MTUS2: variants seen among roughly 807,000 people sequenced by gnomAD.
MTUS2 encodes the protein microtubule associated scaffold protein 2.
MTUS2 carries 40 observed loss-of-function variants against 114.1 expected under a neutral mutation model. That is an observed-to-expected ratio of 0.35 (90% CI 0.27 to 0.46). The LOEUF (loss-of-function observed/expected upper bound fraction) is 0.46, where lower values mean the gene tolerates loss of function less well. Among genes scored for constraint, MTUS2 ranks in the 20% least tolerant of loss-of-function variants. The probability of loss-of-function intolerance (pLI) is 1.00; values close to 1 mark genes in which losing one functional copy is unlikely to be tolerated. For missense variants in MTUS2, 1,679 were observed against 1,705.4 expected, an observed-to-expected ratio of 0.98 and a Z score of 0.27; for synonymous variants, 688 against 672.0, an observed-to-expected ratio of 1.02 and a Z score of -0.37.
intron 5 of MTUS2, among the ~76,000 whole-genome samples, chr13:29,149,094 A>G (rs1892563232): frequency 6.6e-6 from 1 of 152,088 alleles, no homozygotes; most frequent in Non-Finnish European, 1.5e-5. Flanking sequence ...TCTAGGTCTT[A>G]ATCACCACAC....
At chr13:29,305,744 T>G (rs1417602618) in intron 6 of MTUS2, among the ~76,000 whole-genome samples, 2 of 152,152 alleles carry the variant, frequency 1.3e-5, no homozygotes, top group Non-Finnish European at 1.5e-5. Context: ...CTGAAACTAT[T>G]TCAAAAAATT....
At chr13:29,257,462 G>A (rs1210973441) in intron 5 of MTUS2, among the ~76,000 whole-genome samples, 1 of 152,206 alleles carries the variant, frequency 6.6e-6, no homozygotes, top group African/African-American at 2.4e-5. Flanking sequence ...GGCATGGAAT[G>A]CGAAAGGCAT....
chr13:28,999,528 G>A (rs903920125), intron 2 of MTUS2, among the ~76,000 whole-genome samples: 4 of 152,072 alleles, frequency 2.6e-5, no homozygotes, highest in African/African-American at 7.2e-5. Flanking sequence ...ATATTTATGG[G>A]GTACCATGTG....
chr13:29,487,909 C>T lies in MTUS2; in HGVS notation c.3409C>T (p.Leu1137Phe). ...RCQHQEQVED[L>F]TASHDAALLE... Reference sequence around the variant, plus strand: ...TGCGACTCTCCTCCAGGTGGAAGATCTCACCGCCAGCCATGATGCTGCTCT... The same window carrying T: ...TGCGACTCTCCTCCAGGTGGAAGATTTCACCGCCAGCCATGATGCTGCTCT... Residue 1137 changes from leucine (L) to phenylalanine (F), a missense_variant, in exon 11 of 16, where the codon CTC becomes TTC. This residue lies in a region of MTUS2 where 822 missense variants were observed against 899.7 expected (regional missense o/e 0.91). Transcript: ENST00000612955. 5.0e-6 allele frequency: 8 copies of T among 1,613,710 alleles called. No homozygotes were observed. The highest frequency in any genetic ancestry group is 6.8e-6 in the Non-Finnish European group (8 of 1,179,672).
At chr13:28,987,200 T>G (rs1319586892) in intron 2 of MTUS2, among the ~76,000 whole-genome samples, 1 of 152,140 alleles carries the variant, frequency 6.6e-6, no homozygotes, top group African/African-American at 2.4e-5. Flanking sequence ...GTAGTGAGCC[T>G]TGAGTGTGCA....
intron 4 of MTUS2, among the ~76,000 whole-genome samples, chr13:29,059,234 T>TA (rs1396428671): frequency 4.0e-5 from 6 of 149,796 alleles, no homozygotes; most frequent in Admixed American, 4.0e-4. Flanking sequence ...TTGGATTTTT[T>TA]TTTTTTTTTT....
chr13:28,875,763 A>G (rs1028061608), intron 2 of MTUS2, among the ~76,000 whole-genome samples: 1 of 152,222 alleles, frequency 6.6e-6, no homozygotes, highest in Non-Finnish European at 1.5e-5. Context: ...GTTTCTATTT[A>G]TTGATGTTAA....
chr13:28,902,479 T>C (rs1040339153), intron 2 of MTUS2, among the ~76,000 whole-genome samples: 2 of 152,266 alleles, frequency 1.3e-5, no homozygotes, highest in South Asian at 2.1e-4. Flanking sequence ...TAGGTACTCA[T>C]TCTTGAACAA....
In MTUS2 at chr13:29,026,363, T is replaced by G. The variant is rs753254527; in HGVS notation, c.1665T>G (p.Phe555Leu). Residue 555 changes from phenylalanine (F) to leucine (L), a missense_variant, in exon 3 of 16, where the codon TTT (phenylalanine) becomes TTG (leucine). This residue lies in a region of MTUS2 where 843 missense variants were observed against 770.8 expected (regional missense o/e 1.09). Coordinates refer to ENST00000612955, the MANE Select transcript of MTUS2 (RefSeq NM_001033602.4). ...TYQPTTPSSSFQDVSVFGMDA... is the reference protein window; with the variant it reads ...TYQPTTPSSSLQDVSVFGMDA... Reference sequence around the variant, plus strand: ...AGCCTACAACACCCAGTAGCAGTTTTCAGGATGTTAGCGTGTTCGGTATGG... The same window carrying G: ...AGCCTACAACACCCAGTAGCAGTTTGCAGGATGTTAGCGTGTTCGGTATGG... 6 of 1,613,986 alleles carry G rather than the reference T, an allele frequency of 3.7e-6. No homozygotes were observed. In the South Asian group the frequency reaches 5.5e-5, roughly 15 times the overall value.
At chr13:29,272,804 C>T (rs1002321207) in intron 5 of MTUS2, among the ~76,000 whole-genome samples, 2 of 152,180 alleles carry the variant, frequency 1.3e-5, no homozygotes, top group African/African-American at 4.8e-5. Context: ...TTTCTTTGTG[C>T]TGCTATAACA....
intron 2 of MTUS2, among the ~76,000 whole-genome samples, chr13:28,907,369 A>G (rs1041797253): frequency 4.6e-5 from 7 of 151,656 alleles, no homozygotes; most frequent in African/African-American, 1.7e-4. Context: ...ACCAGCTAAC[A>G]TCATAATGAG....
intron 2 of MTUS2, among the ~76,000 whole-genome samples, chr13:28,944,712 T>C (rs1487563284): frequency 6.6e-6 from 1 of 152,236 alleles, no homozygotes; most frequent in Non-Finnish European, 1.5e-5. Context: ...ATCCTTGGGC[T>C]GTGGGAGTGG....
intron 6 of MTUS2, among the ~76,000 whole-genome samples, chr13:29,312,314 A>G (rs370121120): frequency 9.2e-5 from 14 of 152,214 alleles, no homozygotes; most frequent in Non-Finnish European, 1.8e-4. Context: ...AGCTAATACC[A>G]TATCAAGTAC....
At chr13:29,164,981 A>G (rs1354326585) in intron 5 of MTUS2, among the ~76,000 whole-genome samples, 2 of 152,234 alleles carry the variant, frequency 1.3e-5, no homozygotes, top group Non-Finnish European at 2.9e-5. Flanking sequence ...AACTCTAAGA[A>G]TAGGTATTTC....
chr13:29,503,100 C>T lies in MTUS2; in HGVS notation c.4004C>T (p.Thr1335Ile), dbSNP rs754565128. ...GAAGAGCTGCTTTGGAAGCTCCAAA[C>T]TGGGGACCCGACCAGTCCGATTAAA... Reference protein sequence around the residue: ...TNEELLWKLQTGDPTSPIKLS... With the variant: ...TNEELLWKLQIGDPTSPIKLS... The change falls in exon 16 of 16, where the codon ACT (threonine) becomes ATT (isoleucine). Residue 1335 changes from threonine (T) to isoleucine (I), a missense_variant. Transcript: ENST00000612955. 3 of 1,614,236 alleles carry T rather than the reference C, an allele frequency of 1.9e-6. No individual in the cohort carries two copies. The highest frequency in any genetic ancestry group is 2.2e-5 in the East Asian group (1 of 44,884).
At chr13:29,481,547 AG>A in intron 10 of MTUS2, among the ~76,000 whole-genome samples, 1 of 152,300 alleles carries the variant, frequency 6.6e-6, no homozygotes, top group South Asian at 2.1e-4. Flanking sequence ...CTTGACATTC[AG>A]GTTAGTGTCG....
chr13:29,395,674 A>G (rs775742410), intron 8 of MTUS2, among the ~76,000 whole-genome samples: 35 of 152,212 alleles, frequency 2.3e-4, no homozygotes, highest in Non-Finnish European at 4.6e-4. Context: ...TAATCAGTCC[A>G]CTAGGCTTTG....
intron 5 of MTUS2, among the ~76,000 whole-genome samples, chr13:29,114,456 A>G (rs1891004357): frequency 6.6e-6 from 1 of 152,258 alleles, no homozygotes; most frequent in African/African-American, 2.4e-5. Context: ...GAGCAGATGT[A>G]ATTTGACATT....
intron 8 of MTUS2, among the ~76,000 whole-genome samples, chr13:29,435,548 A>G (rs960055457): frequency 6.6e-6 from 1 of 152,192 alleles, no homozygotes; most frequent in East Asian, 1.9e-4. Flanking sequence ...GGGCCTTGCA[A>G]GATCACACTG....
Sources: gnomAD v4.1 joint callset for allele counts (sites outside exome capture counted in the v4.1 genomes callset) on GRCh38, gnomAD v4.1.1 for gene constraint, gnomAD v4.1.1 regional missense constraint, MANE v1.5 for transcripts, NCBI Gene and HGNC (gene_info 2026-07-23, HGNC 2026-07-21) for gene names.